CAMTA1: variants seen among roughly 807,000 people sequenced by gnomAD.
CAMTA1 encodes calmodulin-binding transcription activator 1.
In CAMTA1, 27 loss-of-function variants were observed where a neutral mutation model predicts 170.9. That is an observed-to-expected ratio of 0.16 (90% CI 0.12 to 0.22). CAMTA1 has a LOEUF of 0.22. CAMTA1 is among the 10% of genes least tolerant of loss of function. The probability of loss-of-function intolerance (pLI) is 1.00; values close to 1 mark genes in which losing one functional copy is unlikely to be tolerated. For synonymous variants in CAMTA1, 833 were observed against 891.5 expected, an observed-to-expected ratio of 0.93 and a Z score of 1.17; for missense variants, 1,619 against 2,217.2, an observed-to-expected ratio of 0.73 and a Z score of 5.42.
At chr1:6,893,778 G>A (rs1675072082) in intron 3 of CAMTA1, among the ~76,000 whole-genome samples, 2 of 152,178 alleles carry the variant, frequency 1.3e-5, no homozygotes, top group Admixed American at 6.5e-5. Context: ...CAGGCTGCGA[G>A]GGAAGGGGGT....
intron 3 of CAMTA1, among the ~76,000 whole-genome samples, chr1:6,872,233 T>TCACCACCACCACCAC (rs35457975): frequency 4.7e-5 from 7 of 150,176 alleles, no homozygotes; most frequent in African/African-American, 1.7e-4. Context: ...ACCCTCACCA[T>TCACCACCACCACCAC]CACCACCACC....
intron 6 of CAMTA1, among the ~76,000 whole-genome samples, chr1:7,493,643 TGGGGG>T (rs34756858): frequency 2.7e-5 from 4 of 147,766 alleles, no homozygotes; most frequent in African/African-American, 4.9e-5. Context: ...CCCAGGGAAC[TGGGGG>T]GGGGGGGGGG....
At chr1:7,754,212 C>A (rs572237225) in intron 21 of CAMTA1, among the ~76,000 whole-genome samples, 1 of 152,330 alleles carries the variant, frequency 6.6e-6, no homozygotes, top group African/African-American at 2.4e-5. Context: ...AGAATCACAT[C>A]TTCTTTCATG....
At chr1:6,899,544 ACGCG>A (rs963107725) in intron 3 of CAMTA1, among the ~76,000 whole-genome samples, 52 of 102,700 alleles carry the variant, frequency 5.1e-4, no homozygotes, top group Non-Finnish European at 8.2e-4. Flanking sequence ...TATAACGCGC[ACGCG>A]CGCGCGCACA....
chr1:6,931,949 C>G (rs1171850413), intron 3 of CAMTA1, among the ~76,000 whole-genome samples: 1 of 152,208 alleles, frequency 6.6e-6, no homozygotes, highest in African/African-American at 2.4e-5. Context: ...CTTTCCTGGG[C>G]TTATAACACC....
At chr1:7,723,141 C>A (rs1420568904) in intron 11 of CAMTA1, among the ~76,000 whole-genome samples, 1 of 152,002 alleles carries the variant, frequency 6.6e-6, no homozygotes, top group Non-Finnish European at 1.5e-5. Flanking sequence ...ATACCGTTCT[C>A]CAATAAAAAG....
At position 7,041,884 on chromosome 1, in the gene CAMTA1, G is replaced by T. The variant is rs1485121843; in HGVS notation, c.235-49420G>T. Among the ~76,000 whole-genome samples, 2 of 152,206 alleles carry T rather than the reference G, an allele frequency of 1.3e-5. No homozygotes were observed. Among genetic ancestry groups the T allele is most frequent in the Non-Finnish European group, 2.9e-5 (2 of 68,034 alleles). On this transcript the variant is annotated intron_variant, in intron 3 of 22. Transcript: ENST00000303635. The surrounding 1 kb of genome is among the most constrained non-coding windows in gnomAD (Gnocchi z 5.1). Reference sequence around the variant, plus strand: ...GATTTGACTGAAGCCTCCACACTATGGACAGACCAAGTGGTGGCAATAATG... The same window carrying T: ...GATTTGACTGAAGCCTCCACACTATTGACAGACCAAGTGGTGGCAATAATG...
At chr1:7,361,598 T>A (rs2085538364) in intron 5 of CAMTA1, among the ~76,000 whole-genome samples, 1 of 152,206 alleles carries the variant, frequency 6.6e-6, no homozygotes, top group East Asian at 1.9e-4. Context: ...CCTGAGCAAC[T>A]TTTCCACAGT....
At chr1:7,647,652 A>G (rs992906651) in intron 7 of CAMTA1, among the ~76,000 whole-genome samples, 3 of 152,070 alleles carry the variant, frequency 2.0e-5, no homozygotes, top group Non-Finnish European at 4.4e-5. Context: ...GCCTGTGCCC[A>G]CCTTTTTTCC....
chr1:6,823,739 T>C (rs1472389411), intron 2 of CAMTA1, among the ~76,000 whole-genome samples: 1 of 152,210 alleles, frequency 6.6e-6, no homozygotes, highest in African/African-American at 2.4e-5. Flanking sequence ...TGTTCTTTGA[T>C]GTTTTTCATC....
chr1:6,908,333 C>G (rs983815704), intron 3 of CAMTA1, among the ~76,000 whole-genome samples: 2 of 152,260 alleles, frequency 1.3e-5, no homozygotes, highest in African/African-American at 4.8e-5. Flanking sequence ...GGCCAGGGTT[C>G]TTGCCTTGTT....
intron 5 of CAMTA1, among the ~76,000 whole-genome samples, chr1:7,447,245 T>A (rs2092702624): frequency 6.6e-6 from 1 of 151,732 alleles, no homozygotes; most frequent in Non-Finnish European, 1.5e-5. Flanking sequence ...TGTAGCACCA[T>A]CTGGAGGGAG....
At chr1:6,893,143 A>G (rs1298613165) in intron 3 of CAMTA1, among the ~76,000 whole-genome samples, 1 of 152,042 alleles carries the variant, frequency 6.6e-6, no homozygotes, top group African/African-American at 2.4e-5. Flanking sequence ...TTAGCCGGGC[A>G]TGGTGGCGTG....
intron 4 of CAMTA1, among the ~76,000 whole-genome samples, chr1:7,193,813 G>C (rs1489610094): frequency 6.6e-6 from 1 of 152,180 alleles, no homozygotes; most frequent in East Asian, 1.9e-4. Flanking sequence ...TCTCCTCCGA[G>C]TGCTCCTTTA....
chr1:6,922,272 C>A (rs1050911257), intron 3 of CAMTA1, among the ~76,000 whole-genome samples: 4 of 152,174 alleles, frequency 2.6e-5, no homozygotes. Flanking sequence ...TGGCCAGGGT[C>A]CACAGCTAGT....
At chr1:7,704,380 G>A (rs1018557796) in intron 11 of CAMTA1, among the ~76,000 whole-genome samples, 2 of 146,396 alleles carry the variant, frequency 1.4e-5, no homozygotes, top group South Asian at 2.1e-4. Flanking sequence ...TCCCGGCCTC[G>A]AGGGAACCGT....
intron 4 of CAMTA1, among the ~76,000 whole-genome samples, chr1:7,200,328 A>T (rs1023593029): frequency 6.6e-6 from 1 of 152,252 alleles, no homozygotes; most frequent in African/African-American, 2.4e-5. Flanking sequence ...CTTATACATA[A>T]CCACAGTACA....
At chr1:6,862,913 A>G (rs1665273575) in intron 3 of CAMTA1, among the ~76,000 whole-genome samples, 1 of 152,240 alleles carries the variant, frequency 6.6e-6, no homozygotes, top group African/African-American at 2.4e-5. Context: ...CTTTTACCCA[A>G]AAAAGATAAC....
chr1:6,923,343 G>C (rs141516131), intron 3 of CAMTA1, among the ~76,000 whole-genome samples: 2 of 152,324 alleles, frequency 1.3e-5, no homozygotes, highest in African/African-American at 4.8e-5. Context: ...AGTGTGGGAA[G>C]GGGGAGCACT....
Sources: allele counts gnomAD v4.1 joint callset (sites outside exome capture counted in the v4.1 genomes callset), GRCh38; gene constraint gnomAD v4.1.1; non-coding constraint Gnocchi (gnomAD v3.1); transcripts MANE v1.5; gene names NCBI Gene and HGNC (gene_info 2026-07-23, HGNC 2026-07-21).